Variants in PCDHA10 observed in about 807,000 individuals in gnomAD.
PCDHA10 encodes protocadherin alpha 10.
PCDHA10 carries 45 observed loss-of-function variants against 61.2 expected under a neutral mutation model. The observed-to-expected ratio is 0.74, with a 90% CI of 0.58 to 0.94. The LOEUF (loss-of-function observed/expected upper bound fraction) is 0.94. PCDHA10 is among the 40% of genes least tolerant of loss of function. The pLI, the probability that PCDHA10 is intolerant of heterozygous loss-of-function variation, is 0.00. For missense variants in PCDHA10, 1,278 were observed against 1,236.2 expected (o/e 1.03, Z -0.51); for synonymous variants, 602 against 548.8 (o/e 1.10, Z -1.35).
In PCDHA10 at chr5:140,902,185, T is replaced by TTC. The variant is rs370111655; in HGVS notation, c.2388+43763_2388+43764dup. On this transcript the variant is annotated intron_variant, in intron 1 of 3. Transcript: ENST00000307360. ...TTCTAATTTGGATGTCCTTTATGTC[T>TTC]TCTCTCTCTCTCTCTTTCTTTTTTT... Among the ~76,000 whole-genome samples the TTC allele has an allele frequency of 1.5e-3, 225 of 150,894 alleles. 1 individual carries two copies. The highest frequency in any genetic ancestry group is 2.6e-3 in the Admixed American group (40 of 15,130).
intron 1 of PCDHA10, among the ~76,000 whole-genome samples, chr5:140,948,744 C>A (rs868917864): frequency 3.3e-5 from 5 of 151,312 alleles, no homozygotes; most frequent in South Asian, 2.1e-4. Flanking sequence ...GAGAATTTAT[C>A]AATTTTGCTG....
In PCDHA10 at chr5:140,877,673, C is replaced by T. The variant is rs1187719075; in HGVS notation, c.2388+19237C>T. The T allele has an allele frequency of 2.5e-5, 40 of 1,613,532 alleles. No individual in the cohort carries two copies. In the East Asian group the frequency reaches 8.0e-4, roughly 32 times the overall value. Reference sequence around the variant, plus strand: ...CCGCCCACCGTGAGCCGGTGCGCGCCGGGCAAGCCCACGCTGGTGTGCTCC... The same window carrying T: ...CCGCCCACCGTGAGCCGGTGCGCGCTGGGCAAGCCCACGCTGGTGTGCTCC... On this transcript the variant is annotated intron_variant, in intron 1 of 3. Transcript: ENST00000307360.
At chr5:140,967,492 G>C in intron 1 of PCDHA10, 1 of 1,613,380 alleles carries the variant, frequency 6.2e-7, no homozygotes, top group Non-Finnish European at 8.5e-7. Flanking sequence ...GTACGGCACA[G>C]ATCTCTGTGC....
chr5:140,883,547 G>A (rs782704587), intron 1 of PCDHA10: 2 of 1,614,234 alleles, frequency 1.2e-6, no homozygotes, highest in Admixed American at 1.7e-5. Flanking sequence ...GGTGGTGACC[G>A]CGCGGGACGG....
intron 1 of PCDHA10, among the ~76,000 whole-genome samples, chr5:140,977,149 G>A (rs1484811068): frequency 6.6e-6 from 1 of 152,198 alleles, no homozygotes; most frequent in Non-Finnish European, 1.5e-5. Flanking sequence ...TGCTGGAACT[G>A]TGCCTTTCAG....
chr5:140,883,695 C>T, intron 1 of PCDHA10: 2 of 1,613,804 alleles, frequency 1.2e-6, no homozygotes, highest in Non-Finnish European at 1.7e-6. Context: ...CACATCTTCA[C>T]GGTGTCTGCT....
chr5:140,964,596 G>A (rs1368654948), intron 1 of PCDHA10, among the ~76,000 whole-genome samples: 2 of 152,104 alleles, frequency 1.3e-5, no homozygotes, highest in African/African-American at 4.8e-5. Flanking sequence ...CACTTTTCAT[G>A]ACAACTTACA....
In PCDHA10 at chr5:140,856,360, C is replaced by T. The variant is rs2043951808; in HGVS notation, c.312C>T (p.His104=). 2 of 1,598,438 alleles carry T rather than the reference C, an allele frequency of 1.3e-6. No individual in the cohort carries two copies. Among genetic ancestry groups the T allele is most frequent in the Admixed American group, 1.7e-5 (1 of 59,256 alleles). Residue 104 remains histidine, a synonymous_variant, in exon 1 of 4, where the codon CAC becomes CAT. Transcript: ENST00000307360. The part of the protein sequence containing the change: ...LCGRSVECSI[H]LEVIVDRPLQ... ...GGCGGAGCGTGGAGTGCAGCATCCA[C>T]CTGGAGGTGATCGTGGACAGGCCGC...
chr5:140,871,004 G>A, intron 1 of PCDHA10: 1 of 1,613,408 alleles, frequency 6.2e-7, no homozygotes, highest in Non-Finnish European at 8.5e-7. Context: ...AGCACAACGC[G>A]TGCCCTGGAC....
chr5:140,858,354 C>A lies in PCDHA10; in HGVS notation c.2306C>A (p.Ala769Asp), dbSNP rs782580844. The change falls in exon 1 of 4, where the codon GCC (alanine) becomes GAC (aspartate). Residue 769 changes from alanine (A) to aspartate (D), a missense_variant. Coordinates refer to ENST00000307360, the MANE Select transcript of PCDHA10 (RefSeq NM_018901.4). Reference protein sequence around the residue: ...GEGLPKADLMAFSPSLPPCPM... With the variant: ...GEGLPKADLMDFSPSLPPCPM... ...GGCCTGCCCAAGGCGGACCTCATGG[C>A]CTTCAGCCCCAGCCTTCCACCATGC... is the stretch of plus-strand genomic sequence containing the variant. 66 of 1,593,208 alleles carry A rather than the reference C, an allele frequency of 4.1e-5. 1 individual carries two copies. In the East Asian group the frequency reaches 1.4e-3, roughly 34 times the overall value.
At chr5:140,919,406 T>C (rs1325443914) in intron 1 of PCDHA10, among the ~76,000 whole-genome samples, 1 of 152,254 alleles carries the variant, frequency 6.6e-6, no homozygotes, top group East Asian at 1.9e-4. Flanking sequence ...CTAAAAACTC[T>C]AGACTGACAA....
Position 140,882,762 on chromosome 5 carries a change from A to G in PCDHA10, c.2388+24326A>G, listed in dbSNP as rs2059298878. 1.9e-6 allele frequency: 3 copies of G among 1,614,200 alleles called. No individual in the cohort carries two copies. The East Asian group carries it at 6.7e-5, about 36-fold the overall frequency. On this transcript the variant is annotated intron_variant, in intron 1 of 3. Transcript: ENST00000307360. ...GCATCCGATGCAGATATTGGAGTAA[A>G]CTCGGCATTGACCTACCGACTGGAT... is the stretch of plus-strand genomic sequence containing the variant.
chr5:140,923,566 C>T lies in PCDHA10; in HGVS notation c.2389-55383C>T, dbSNP rs149499154. ...AAATGAAATATCAGCAATGAAAGGT[C>T]CTGCTAAAGAGAAGGTTTGTTAATT... On this transcript the variant is annotated intron_variant, in intron 1 of 3. Coordinates refer to ENST00000307360, the MANE Select transcript of PCDHA10 (RefSeq NM_018901.4). 8.1e-3 allele frequency among the ~76,000 whole-genome samples: 1,228 copies of T among 152,208 alleles called. 6 individuals carry two copies. The highest frequency in any genetic ancestry group is 0.019 in the African/African-American group (794 of 41,538).
intron 1 of PCDHA10, among the ~76,000 whole-genome samples, chr5:140,906,117 C>A (rs1554192403): frequency 6.6e-6 from 1 of 152,180 alleles, no homozygotes; most frequent in Non-Finnish European, 1.5e-5. Flanking sequence ...AGTCCACTGA[C>A]ACAAATGTTA....
chr5:140,911,378 C>T lies in PCDHA10; in HGVS notation c.2388+52942C>T, dbSNP rs184939316. On this transcript the variant is annotated intron_variant, in intron 1 of 3. Transcript: ENST00000307360. ...ACAGTAGACACCTGGCAAGGCTGTG[C>T]ATGCACCTTTCATTGCAGGTCAGCC... Among the ~76,000 whole-genome samples the T allele has an allele frequency of 8.0e-3, 1,215 of 152,282 alleles. 6 individuals carry two copies. The highest frequency in any genetic ancestry group is 0.019 in the African/African-American group (783 of 41,542).
intron 1 of PCDHA10, among the ~76,000 whole-genome samples, chr5:140,976,377 C>T (rs1472568038): frequency 2.0e-5 from 3 of 151,896 alleles, no homozygotes; most frequent in Admixed American, 6.6e-5. Flanking sequence ...ATGGTGAAAC[C>T]CCATCTCTAC....
intron 1 of PCDHA10, among the ~76,000 whole-genome samples, chr5:140,912,304 C>T (rs904729298): frequency 6.6e-6 from 1 of 151,998 alleles, no homozygotes; most frequent in Admixed American, 6.6e-5. Flanking sequence ...TCCTGTAATC[C>T]AGTCAAGTTG....
chr5:140,862,306 C>G (rs184682479), intron 1 of PCDHA10: 1 of 279,556 alleles, frequency 3.6e-6, no homozygotes, highest in East Asian at 8.6e-5. Context: ...CACTGGGTAC[C>G]GTCATAGCCC....
intron 3 of PCDHA10, among the ~76,000 whole-genome samples, chr5:141,003,892 C>T (rs1401621234): frequency 6.6e-6 from 1 of 152,124 alleles, no homozygotes; most frequent in South Asian, 2.1e-4. Context: ...TCTTAACAGG[C>T]CCATTCATTT....
Sources: gnomAD v4.1 joint callset for allele counts (sites outside exome capture counted in the v4.1 genomes callset) on GRCh38, gnomAD v4.1.1 for gene constraint, MANE v1.5 for transcripts, NCBI Gene and HGNC (gene_info 2026-07-23, HGNC 2026-07-21) for gene names.